Variants in CECR2 observed in about 807,000 individuals in gnomAD.
The protein encoded by CECR2 is CECR2 histone acetyl-lysine reader.
A neutral mutation model predicts 154.5 loss-of-function variants in CECR2; 30 were observed. That is an observed-to-expected ratio of 0.19 (90% CI 0.15 to 0.26). The LOEUF (loss-of-function observed/expected upper bound fraction) is 0.26, where lower values mean the gene tolerates loss of function less well. Ranked by LOEUF, CECR2 falls within the 10% of genes least tolerant of loss-of-function variation. The pLI is 1.00. For missense variants in CECR2, 1,743 were observed against 1,829.3 expected (o/e 0.95, Z 0.86); for synonymous variants, 725 against 683.7 (o/e 1.06, Z -0.94).
intron 1 of CECR2, chr22:17,424,606 A>G (rs1391815570): frequency 6.2e-6 from 1 of 160,964 alleles, no homozygotes; most frequent in East Asian, 1.9e-4. Context: ...CCAGGCCCAC[A>G]CTCATGGCTG....
intron 1 of CECR2, among the ~76,000 whole-genome samples, chr22:17,446,984 A>T (rs2054677699): frequency 6.7e-6 from 1 of 150,106 alleles, no homozygotes; most frequent in African/African-American, 2.5e-5. Context: ...AGCTAGACAC[A>T]GTGCCGATTG....
intron 1 of CECR2, among the ~76,000 whole-genome samples, chr22:17,436,341 C>G (rs567658973): frequency 1.2e-4 from 19 of 152,312 alleles, no homozygotes; most frequent in African/African-American, 4.1e-4. Context: ...AAATAAAGTT[C>G]TATGCACAAT....
At chr22:17,472,796 A>T (rs1601415696) in intron 1 of CECR2, among the ~76,000 whole-genome samples, 1 of 152,210 alleles carries the variant, frequency 6.6e-6, no homozygotes, top group Non-Finnish European at 1.5e-5. Flanking sequence ...GTTGTGTTAA[A>T]TGGGTTGGTA....
rs776423644 is a variant in CECR2 at position 17,548,770 on chromosome 22, G to A, written c.3483G>A (p.Arg1161=). 6.2e-7 allele frequency: 1 copy of A among 1,613,720 alleles called. No individual in the cohort carries two copies. The highest frequency in any genetic ancestry group is 8.5e-7 in the Non-Finnish European group (1 of 1,179,852). ...CCCATCCCCAGCATTTTCCCCCAAG[G>A]GGCTTTCAGTCTAACCACCCACATT... ...PASHPQHFPP[R]GFQSNHPHSG... Residue 1161 remains arginine, a synonymous_variant, in exon 17 of 19, where the codon AGG becomes AGA. Coordinates refer to ENST00000262608, the MANE Select transcript of CECR2 (RefSeq NM_001290047.2).
chr22:17,411,142 G>A (rs180886463), intron 1 of CECR2, among the ~76,000 whole-genome samples: 2 of 152,282 alleles, frequency 1.3e-5, no homozygotes, highest in Admixed American at 6.5e-5. Context: ...TGCTCTTTTA[G>A]TACTTTGCAT....
At chr22:17,510,888 A>G (rs910832343) in intron 7 of CECR2, among the ~76,000 whole-genome samples, 1 of 152,162 alleles carries the variant, frequency 6.6e-6, no homozygotes, top group African/African-American at 2.4e-5. Context: ...TACAGGCGTG[A>G]GCCACCCCAC....
chr22:17,366,132 G>C (rs1197522595), upstream of CECR2, among the ~76,000 whole-genome samples: 1 of 152,114 alleles, frequency 6.6e-6, no homozygotes, highest in Non-Finnish European at 1.5e-5. Flanking sequence ...TAATGGCACT[G>C]GCTCACAAAC....
chr22:17,479,331 T>G (rs534628403), intron 2 of CECR2, among the ~76,000 whole-genome samples: 1 of 152,306 alleles, frequency 6.6e-6, no homozygotes, highest in South Asian at 2.1e-4. Context: ...GTACACAGAC[T>G]AGTAGGTACT....
chr22:17,538,913 T>C, intron 12 of CECR2, 80 bp from the exon 13 acceptor site: 1 of 1,511,322 alleles, frequency 6.6e-7, no homozygotes, highest in Admixed American at 1.9e-5. Flanking sequence ...TGAATTCTCA[T>C]TATCTCTCTG....
At chr22:17,432,841 C>G (rs5746378) in intron 1 of CECR2, among the ~76,000 whole-genome samples, 1 of 152,068 alleles carries the variant, frequency 6.6e-6, no homozygotes, top group African/African-American at 2.4e-5. Context: ...GATCCTCCCA[C>G]CTCACCCTGT....
At chr22:17,381,895 T>C (rs28642390) in intron 1 of CECR2, among the ~76,000 whole-genome samples, 1,431 of 136,914 alleles carry the variant, frequency 0.01, 22 homozygotes, top group African/African-American at 0.04. Context: ...TTTTTTTTTT[T>C]TGTTTTTTTT....
intron 2 of CECR2, among the ~76,000 whole-genome samples, chr22:17,491,440 G>T (rs1250846114): frequency 6.6e-6 from 1 of 152,074 alleles, no homozygotes; most frequent in African/African-American, 2.4e-5. Context: ...TTCCCAAGTG[G>T]CTAAGGTTGA....
At chr22:17,374,927 C>T (rs999707165) in intron 1 of CECR2, among the ~76,000 whole-genome samples, 3 of 151,966 alleles carry the variant, frequency 2.0e-5, no homozygotes, top group Non-Finnish European at 4.4e-5. Flanking sequence ...TCTACCACAT[C>T]GCACTGCTTC....
At chr22:17,482,115 CAAAAAAAAAAAAAAA>C (rs869050391) in intron 2 of CECR2, among the ~76,000 whole-genome samples, 15 of 76,322 alleles carry the variant, frequency 2.0e-4, no homozygotes, top group Admixed American at 1.5e-3. Context: ...ACTCTGTCTC[CAAAAAAAAAAAAAAA>C]AAAAAAAAAA....
At chr22:17,369,222 C>G (rs1233238150), upstream of CECR2, 2 of 151,852 alleles carry the variant, frequency 1.3e-5, no homozygotes, top group Non-Finnish European at 2.9e-5. Context: ...GTCCCAAAGT[C>G]CTGGAGGGCG....
At chr22:17,460,658 ACAAGTCTTAGATTGTATGGAGAGT>A (rs71868214) in intron 1 of CECR2, among the ~76,000 whole-genome samples, 7,879 of 152,154 alleles carry the variant, frequency 0.052, 544 homozygotes, top group African/African-American at 0.16. Flanking sequence ...CTTCAGGTTG[ACAAGTCTTAGATTGTATGGAGAGT>A]CTCTGCCTCT....
intron 16 of CECR2, among the ~76,000 whole-genome samples, chr22:17,546,337 A>C (rs529785735): frequency 6.3e-4 from 95 of 151,902 alleles, no homozygotes; most frequent in Non-Finnish European, 1.2e-3. Context: ...AATACAAAAA[A>C]TTAGCCAGCA....
chr22:17,478,647 G>A (rs998614452), intron 2 of CECR2, among the ~76,000 whole-genome samples: 2 of 152,232 alleles, frequency 1.3e-5, no homozygotes, highest in African/African-American at 2.4e-5. Context: ...GAGCCACCGC[G>A]CCTGGCCAAG....
At chr22:17,507,476 T>G (rs2055868206) in intron 7 of CECR2, among the ~76,000 whole-genome samples, 1 of 152,242 alleles carries the variant, frequency 6.6e-6, no homozygotes, top group African/African-American at 2.4e-5. Context: ...TATGACTTTA[T>G]TGATATCATC....
Sources: gnomAD v4.1 joint callset for allele counts (sites outside exome capture counted in the v4.1 genomes callset) on GRCh38, gnomAD v4.1.1 for gene constraint, MANE v1.5 for transcripts, NCBI Gene and HGNC (gene_info 2026-07-23, HGNC 2026-07-21) for gene names.